The following ST8SIA1 variants were observed in gnomAD, a reference collection of about 807,000 sequenced individuals.
The protein encoded by ST8SIA1 is ST8 alpha-N-acetyl-neuraminide alpha-2,8-sialyltransferase 1.
Under a neutral mutation model 35.9 loss-of-function variants are expected in ST8SIA1, and 16 were observed. The ratio of observed to expected loss-of-function variants is 0.45; its 90% CI spans 0.30 to 0.68. ST8SIA1 has a LOEUF of 0.68. ST8SIA1 is among the 30% of genes least tolerant of loss of function. The pLI, the probability that ST8SIA1 is intolerant of heterozygous loss-of-function variation, is 0.09. For missense variants in ST8SIA1, 383 were observed against 453.6 expected, an observed-to-expected ratio of 0.84 and a Z score of 1.41; for synonymous variants, 170 against 169.6, an observed-to-expected ratio of 1.00 and a Z score of -0.02.
chr12:22,264,005 T>C (rs1865819328), intron 2 of ST8SIA1, among the ~76,000 whole-genome samples: 1 of 152,108 alleles, frequency 6.6e-6, no homozygotes, highest in Admixed American at 6.6e-5. Context: ...AACTCACACA[T>C]CTAATTGCAT....
chr12:22,253,579 T>A (rs954235913), intron 3 of ST8SIA1, among the ~76,000 whole-genome samples: 3 of 152,148 alleles, frequency 2.0e-5, no homozygotes, highest in Non-Finnish European at 4.4e-5. Context: ...AACACATCTC[T>A]AGGATATAAA....
intron 1 of ST8SIA1, chr12:22,325,410 C>A: frequency 1.4e-6 from 1 of 700,820 alleles, no homozygotes; most frequent in South Asian, 1.5e-5. Context: ...CTAATTAGAG[C>A]GACACAGCTC....
chr12:22,333,710 G>A (rs2135851623), intron 1 of ST8SIA1: 1 of 577,562 alleles, frequency 1.7e-6, no homozygotes, highest in Non-Finnish European at 3.1e-6. Context: ...CCTCTGTTTT[G>A]TTTATCCGTA....
At chr12:22,207,364 C>T (rs1211905397) in intron 4 of ST8SIA1, among the ~76,000 whole-genome samples, 3 of 152,146 alleles carry the variant, frequency 2.0e-5, no homozygotes, top group African/African-American at 7.2e-5. Flanking sequence ...GGTAGACAGC[C>T]GTGCTGTGAG....
At chr12:22,232,539 A>G (rs931421201) in intron 4 of ST8SIA1, among the ~76,000 whole-genome samples, 9 of 152,196 alleles carry the variant, frequency 5.9e-5, no homozygotes, top group African/African-American at 2.2e-4. Flanking sequence ...CATATTACAT[A>G]TCCAAATAGA....
intron 2 of ST8SIA1, chr12:22,268,524 C>G (rs977729369): frequency 6.6e-6 from 1 of 152,040 alleles, no homozygotes; most frequent in African/African-American, 2.4e-5. Context: ...TTCAGCATGG[C>G]GGGGGAGGCC....
intron 4 of ST8SIA1, among the ~76,000 whole-genome samples, chr12:22,216,165 C>T (rs1865231715): frequency 6.6e-6 from 1 of 152,178 alleles, no homozygotes; most frequent in African/African-American, 2.4e-5. Context: ...CAAGCCTCCT[C>T]CTTCTTATTT....
intron 2 of ST8SIA1, among the ~76,000 whole-genome samples, chr12:22,266,733 G>A (rs1865852951): frequency 6.6e-6 from 1 of 151,970 alleles, no homozygotes; most frequent in Non-Finnish European, 1.5e-5. Context: ...GGAGTTGAAG[G>A]CTGCAGTGAG....
At chr12:22,316,539 T>C (rs1866522120) in intron 1 of ST8SIA1, among the ~76,000 whole-genome samples, 1 of 152,004 alleles carries the variant, frequency 6.6e-6, no homozygotes, top group African/African-American at 2.4e-5. Context: ...AAATACCAGA[T>C]GAAAATGTTT....
intron 4 of ST8SIA1, among the ~76,000 whole-genome samples, chr12:22,236,429 G>A (rs539643476): frequency 6.6e-6 from 1 of 152,104 alleles, no homozygotes; most frequent in Non-Finnish European, 1.5e-5. Context: ...AAACCCCTCC[G>A]CACATTTTCT....
intron 1 of ST8SIA1, among the ~76,000 whole-genome samples, chr12:22,296,740 A>T (rs534976904): frequency 7.6e-4 from 116 of 152,296 alleles, no homozygotes; most frequent in African/African-American, 2.3e-3. Flanking sequence ...GTTTGGAGAG[A>T]TGCAATGAAT....
At chr12:22,333,202 G>A (rs906775541) in intron 1 of ST8SIA1, among the ~76,000 whole-genome samples, 4 of 152,168 alleles carry the variant, frequency 2.6e-5, no homozygotes, top group African/African-American at 9.7e-5. Flanking sequence ...TGGGCATTTT[G>A]TTTGTTTTCT....
intron 1 of ST8SIA1, among the ~76,000 whole-genome samples, chr12:22,298,834 T>C (rs545511543): frequency 6.6e-6 from 1 of 152,252 alleles, no homozygotes; most frequent in East Asian, 1.9e-4. Context: ...GCCATCTTGA[T>C]AGAAAAGTGC....
At position 22,320,957 on chromosome 12, in the gene ST8SIA1, G is replaced by GAA. The variant is rs1458108019; in HGVS notation, c.236+13039_236+13040insTT. Among the ~76,000 whole-genome samples the GAA allele has an allele frequency of 9.8e-3, 815 of 82,836 alleles. 5 individuals are homozygous for GAA. Among genetic ancestry groups the GAA allele is most frequent in the African/African-American group, 0.015 (270 of 17,972 alleles). 54.3% of individuals were successfully genotyped at this position (82,836 alleles called of 152,430 possible). On this transcript the variant is annotated intron_variant, in intron 1 of 4. Coordinates refer to ENST00000396037, the MANE Select transcript of ST8SIA1 (RefSeq NM_003034.4). ...AGAAAGAAAGAAAGAAAGAAAGAAA[G>GAA]AGAAAGAAAGAAAGAAAGAAAGAAA...
intron 4 of ST8SIA1, among the ~76,000 whole-genome samples, chr12:22,234,141 T>C (rs955872715): frequency 2.6e-5 from 4 of 151,864 alleles, no homozygotes; most frequent in African/African-American, 9.7e-5. Context: ...GTGCCTGTAA[T>C]TCCAGCTACT....
At chr12:22,251,048 T>A (rs1591834982) in intron 3 of ST8SIA1, among the ~76,000 whole-genome samples, 1 of 152,226 alleles carries the variant, frequency 6.6e-6, no homozygotes, top group South Asian at 2.1e-4. Context: ...GCCAGGCTCA[T>A]CCGGCTGTGG....
At chr12:22,320,957 G>A (rs201905307) in intron 1 of ST8SIA1, among the ~76,000 whole-genome samples, 1,960 of 82,254 alleles carry the variant, frequency 0.024, 19 homozygotes, top group East Asian at 0.043. Flanking sequence ...AAGAAAGAAA[G>A]AGAAAGAAAG....
At chr12:22,299,410 T>C (rs113677436) in intron 1 of ST8SIA1, among the ~76,000 whole-genome samples, 1 of 152,108 alleles carries the variant, frequency 6.6e-6, no homozygotes, top group African/African-American at 2.4e-5. Flanking sequence ...TCTTATATAG[T>C]AAATTTAGTC....
intron 1 of ST8SIA1, among the ~76,000 whole-genome samples, chr12:22,305,197 T>A (rs1866369815): frequency 6.6e-6 from 1 of 152,176 alleles, no homozygotes; most frequent in Admixed American, 6.5e-5. Context: ...ATAAAAGAGC[T>A]CTAATGAATG....
Sources: gnomAD v4.1 joint callset for allele counts (sites outside exome capture counted in the v4.1 genomes callset) on GRCh38, gnomAD v4.1.1 for gene constraint, MANE v1.5 for transcripts, NCBI Gene and HGNC (gene_info 2026-07-23, HGNC 2026-07-21) for gene names.